CARNMT1: variants seen among roughly 807,000 people sequenced by gnomAD.
CARNMT1 encodes the protein protein-L-histidine N-pros-methyltransferase CARNMT1.
A neutral mutation model predicts 49.6 loss-of-function variants in CARNMT1; 28 were observed. That is an observed-to-expected ratio of 0.56 (90% CI 0.42 to 0.77). The LOEUF (loss-of-function observed/expected upper bound fraction) is 0.77. Ranked by LOEUF, CARNMT1 falls within the 30% of genes least tolerant of loss-of-function variation. CARNMT1 has a pLI of 0.00. For missense variants in CARNMT1, 421 were observed against 512.6 expected (o/e 0.82, Z 1.73); for synonymous variants, 178 against 175.0 (o/e 1.02, Z -0.13).
At chr9:75,014,272 T>C (rs1365512398) in intron 3 of CARNMT1, among the ~76,000 whole-genome samples, 1 of 152,150 alleles carries the variant, frequency 6.6e-6, no homozygotes, top group African/African-American at 2.4e-5. Flanking sequence ...GAGGTATGGA[T>C]GAAGCAATTC....
In CARNMT1 at chr9:75,012,476, G is replaced by A. The variant is rs573557029; in HGVS notation, c.590+3792C>T. ...TAATTTTTGTATTTTTAGTAGAGAC[G>A]GGGTTTCGCCATGTTAGCCAGGCTG... is the stretch of plus-strand genomic sequence containing the variant. On this transcript the variant is annotated intron_variant, in intron 3 of 7. Transcript: ENST00000376834. 2.0e-4 allele frequency among the ~76,000 whole-genome samples: 30 copies of A among 151,890 alleles called. No individual in the cohort carries two copies. In the South Asian group the frequency reaches 3.5e-3, roughly 18 times the overall value.
At chr9:75,000,423 G>T (rs919825619) in intron 3 of CARNMT1, among the ~76,000 whole-genome samples, 1 of 152,022 alleles carries the variant, frequency 6.6e-6, no homozygotes, top group Non-Finnish European at 1.5e-5. Flanking sequence ...AATGGGAAAC[G>T]GCCCTCTAAT....
intron 6 of CARNMT1, among the ~76,000 whole-genome samples, chr9:74,989,369 C>T (rs1261886514): frequency 1.3e-5 from 2 of 152,146 alleles, no homozygotes; most frequent in African/African-American, 2.4e-5. Flanking sequence ...CCTGGCTTGA[C>T]CTCAGGAGTT....
intron 1 of CARNMT1, among the ~76,000 whole-genome samples, chr9:75,021,378 A>G (rs964832211): frequency 1.4e-5 from 2 of 145,104 alleles, no homozygotes; most frequent in African/African-American, 2.5e-5. Flanking sequence ...TACATAGTAT[A>G]TATCTACTAT....
At chr9:75,014,253 T>C (rs187639138) in intron 3 of CARNMT1, among the ~76,000 whole-genome samples, 1 of 152,288 alleles carries the variant, frequency 6.6e-6, no homozygotes, top group African/African-American at 2.4e-5. Context: ...AGTAGGTTTC[T>C]TTTTCACAGA....
rs1832713932 is a variant in CARNMT1 at position 74,982,431 on chromosome 9, A to G, written c.*1336T>C. 6.6e-6 allele frequency: 1 copy of G among 152,218 alleles called. No homozygotes were observed. The highest frequency in any genetic ancestry group is 2.1e-4 in the South Asian group (1 of 4,834). 9.4% of individuals were successfully genotyped at this position (152,218 alleles called of 1,614,324 possible). ...ACTGGAAACAGAATATCATACATTA[A>G]AAAATACAAAGGAAAACTCCCTCCA... is the stretch of plus-strand genomic sequence containing the variant. On this transcript the variant is annotated 3_prime_UTR_variant, in exon 8 of 8. Coordinates refer to ENST00000376834, the MANE Select transcript of CARNMT1 (RefSeq NM_152420.3).
chr9:75,016,828 T>C (rs1833871559), intron 2 of CARNMT1: 1 of 252,748 alleles, frequency 4.0e-6, no homozygotes, highest in Non-Finnish European at 7.4e-6. Flanking sequence ...AAAGAGGACT[T>C]CAGTTTCTAT....
At chr9:75,007,453 G>A (rs533214195) in intron 3 of CARNMT1, among the ~76,000 whole-genome samples, 2 of 151,962 alleles carry the variant, frequency 1.3e-5, no homozygotes, top group Non-Finnish European at 2.9e-5. Context: ...ATTTGGCTGG[G>A]CGTGGTGGCT....
chr9:74,994,566 A>G (rs543992706), intron 6 of CARNMT1, among the ~76,000 whole-genome samples: 1 of 152,346 alleles, frequency 6.6e-6, no homozygotes, highest in African/African-American at 2.4e-5. Flanking sequence ...TGTTTGGACC[A>G]GAGATACAGA....
chr9:74,988,444 A>AG (rs1832915405), intron 6 of CARNMT1, among the ~76,000 whole-genome samples: 1 of 152,192 alleles, frequency 6.6e-6, no homozygotes, highest in South Asian at 2.1e-4. Flanking sequence ...ATACTTCATT[A>AG]GGAACATTTC....
At chr9:75,024,446 G>A (rs547878150) in intron 1 of CARNMT1, among the ~76,000 whole-genome samples, 1 of 152,092 alleles carries the variant, frequency 6.6e-6, no homozygotes, top group East Asian at 1.9e-4. Flanking sequence ...ATCTCACCCC[G>A]TTATTTCTAA....
chr9:75,008,878 C>T (rs567398404), intron 3 of CARNMT1, among the ~76,000 whole-genome samples: 35 of 152,138 alleles, frequency 2.3e-4, no homozygotes, highest in Non-Finnish European at 4.0e-4. Flanking sequence ...AAACAACAAA[C>T]GAGGACTCAC....
intron 6 of CARNMT1, among the ~76,000 whole-genome samples, chr9:74,990,774 A>G (rs1832986516): frequency 6.6e-6 from 1 of 152,212 alleles, no homozygotes; most frequent in Non-Finnish European, 1.5e-5. Flanking sequence ...AGTGACAGGG[A>G]TATGTCGAAA....
intron 3 of CARNMT1, among the ~76,000 whole-genome samples, chr9:75,006,208 C>T (rs1445210939): frequency 6.6e-6 from 1 of 152,088 alleles, no homozygotes; most frequent in East Asian, 1.9e-4. Flanking sequence ...CACGCCACCA[C>T]ACCCAGCAAA....
chr9:75,000,031 G>A (rs1833307966), intron 3 of CARNMT1, among the ~76,000 whole-genome samples, 161 bp from the exon 4 acceptor site: 1 of 152,000 alleles, frequency 6.6e-6, no homozygotes, highest in Non-Finnish European at 1.5e-5. Flanking sequence ...AAAAATAAAA[G>A]GTATAAGGAA....
At chr9:75,007,728 C>CAAAA (rs201573769) in intron 3 of CARNMT1, among the ~76,000 whole-genome samples, 3 of 80,038 alleles carry the variant, frequency 3.7e-5, no homozygotes, top group South Asian at 5.3e-4. Context: ...GACCCTGTCT[C>CAAAA]AAAAAAATAA....
intron 4 of CARNMT1, among the ~76,000 whole-genome samples, 169 bp from the exon 5 acceptor site, chr9:74,998,945 G>C (rs1833277288): frequency 6.6e-6 from 1 of 151,804 alleles, no homozygotes. Flanking sequence ...TATACATGTA[G>C]ATGAGCAACC....
intron 1 of CARNMT1, among the ~76,000 whole-genome samples, chr9:75,023,665 T>A (rs1231448105): frequency 6.6e-6 from 1 of 152,236 alleles, no homozygotes; most frequent in Non-Finnish European, 1.5e-5. Context: ...AACTTCACTA[T>A]CCTGCACATG....
intron 6 of CARNMT1, among the ~76,000 whole-genome samples, chr9:74,990,754 G>C (rs1832986114): frequency 6.6e-6 from 1 of 152,144 alleles, no homozygotes; most frequent in South Asian, 2.1e-4. Flanking sequence ...TCACAAAGGA[G>C]GTACCAAACA....
Sources: gnomAD v4.1 joint callset for allele counts (sites outside exome capture counted in the v4.1 genomes callset) on GRCh38, gnomAD v4.1.1 for gene constraint, MANE v1.5 for transcripts, NCBI Gene and HGNC (gene_info 2026-07-23, HGNC 2026-07-21) for gene names.